Variants in NPAS2 observed in about 807,000 individuals in gnomAD.
NPAS2 encodes neuronal PAS domain-containing protein 2.
In NPAS2, 23 loss-of-function variants were observed where a neutral mutation model predicts 107.5. The observed-to-expected ratio is 0.21, with a 90% CI of 0.15 to 0.30. The LOEUF (loss-of-function observed/expected upper bound fraction) is 0.30. Ranked by LOEUF, NPAS2 falls within the 10% of genes least tolerant of loss-of-function variation. The probability of loss-of-function intolerance (pLI) is 1.00; values close to 1 mark genes in which losing one functional copy is unlikely to be tolerated. For missense variants in NPAS2, 756 were observed against 1,043.3 expected (o/e 0.72, Z 3.79); for synonymous variants, 403 against 417.5 (o/e 0.97, Z 0.42).
chr2:100,869,898 TTC>T (rs1491468189), intron 1 of NPAS2, among the ~76,000 whole-genome samples: 1 of 130,748 alleles, frequency 7.6e-6, no homozygotes, highest in Non-Finnish European at 1.6e-5. Context: ...GACTCCTGAC[TTC>T]TTTTTTTTTT....
chr2:100,878,528 T>G (rs1680128958), intron 1 of NPAS2: 3 of 985,422 alleles, frequency 3.0e-6, no homozygotes, highest in Non-Finnish European at 3.6e-6. Flanking sequence ...CTTTGTTTGT[T>G]CTTCTAAAGG....
intron 1 of NPAS2, among the ~76,000 whole-genome samples, chr2:100,900,506 G>A (rs1485665474): frequency 6.6e-6 from 1 of 152,070 alleles, no homozygotes; most frequent in African/African-American, 2.4e-5. Context: ...AAACAGCCTG[G>A]CAGTTTTTAA....
At chr2:100,892,295 C>T (rs1681120867) in intron 1 of NPAS2, among the ~76,000 whole-genome samples, 1 of 152,114 alleles carries the variant, frequency 6.6e-6, no homozygotes. Context: ...AATTTTTCAA[C>T]TTTCTTCATC....
At chr2:100,954,525 T>C (rs913736949) in intron 7 of NPAS2, among the ~76,000 whole-genome samples, 3 of 151,580 alleles carry the variant, frequency 2.0e-5, no homozygotes, top group Admixed American at 2.0e-4. Context: ...ATTAGCTGGG[T>C]GTGTTGGCAC....
At chr2:100,855,397 C>T (rs1335386323) in intron 1 of NPAS2, among the ~76,000 whole-genome samples, 4 of 152,112 alleles carry the variant, frequency 2.6e-5, no homozygotes, top group Non-Finnish European at 4.4e-5. Context: ...ACCTGAGATT[C>T]GAGGGGAAAA....
intron 19 of NPAS2, among the ~76,000 whole-genome samples, chr2:100,991,257 G>T (rs1678113196): frequency 6.6e-6 from 1 of 152,054 alleles, no homozygotes; most frequent in African/African-American, 2.4e-5. Flanking sequence ...CGTGCTTCTG[G>T]CACCGTGCTC....
intron 1 of NPAS2, among the ~76,000 whole-genome samples, chr2:100,844,205 G>A (rs929065605): frequency 6.6e-6 from 1 of 152,156 alleles, no homozygotes; most frequent in Non-Finnish European, 1.5e-5. Context: ...CAACCACCAT[G>A]CCCAGCTCTG....
At chr2:100,874,138 C>G (rs1679804974) in intron 1 of NPAS2, among the ~76,000 whole-genome samples, 1 of 151,968 alleles carries the variant, frequency 6.6e-6, no homozygotes, top group Non-Finnish European at 1.5e-5. Flanking sequence ...GTGCATGCCA[C>G]CACACCTGGC....
At chr2:100,954,393 G>A (rs1034716460) in intron 7 of NPAS2, among the ~76,000 whole-genome samples, 2 of 152,122 alleles carry the variant, frequency 1.3e-5, no homozygotes, top group African/African-American at 4.8e-5. Context: ...GGCCAGGCAC[G>A]GTGGCTCACA....
At chr2:100,924,283 CTTGTG>C (rs1683424164) in intron 2 of NPAS2, among the ~76,000 whole-genome samples, 2 of 152,222 alleles carry the variant, frequency 1.3e-5, no homozygotes, top group Non-Finnish European at 2.9e-5. Context: ...AAGGCACACT[CTTGTG>C]TTGTACATTC....
chr2:100,888,796 T>C (rs1680868125), intron 1 of NPAS2, among the ~76,000 whole-genome samples: 2 of 152,182 alleles, frequency 1.3e-5, no homozygotes, highest in Admixed American at 6.5e-5. Context: ...TCTGATGCCA[T>C]GACTTCTGAC....
intron 15 of NPAS2, among the ~76,000 whole-genome samples, chr2:100,980,613 G>A (rs992065108): frequency 2.0e-5 from 3 of 152,022 alleles, no homozygotes; most frequent in Non-Finnish European, 4.4e-5. Flanking sequence ...GAGATTACGG[G>A]TGCCCACCAC....
chr2:100,878,055 CCGTG>C, intron 1 of NPAS2: 2 of 985,362 alleles, frequency 2.0e-6, no homozygotes, highest in Non-Finnish European at 1.2e-6. Flanking sequence ...CGTGGACCTG[CCGTG>C]ATTGCAAAAA....
chr2:100,924,826 T>C (rs1402143499), intron 2 of NPAS2, among the ~76,000 whole-genome samples: 1 of 152,176 alleles, frequency 6.6e-6, no homozygotes, highest in Non-Finnish European at 1.5e-5. Context: ...CAGTCAGCAG[T>C]GTGTCCTTTG....
intron 5 of NPAS2, 23 bp from the exon 6 acceptor site, chr2:100,948,212 T>C: frequency 6.2e-7 from 1 of 1,611,038 alleles, no homozygotes; most frequent in Admixed American, 1.7e-5. Flanking sequence ...GGGTGTACCT[T>C]TGTCCTTTAT....
At chr2:100,951,141 G>A (rs886123735) in intron 7 of NPAS2, among the ~76,000 whole-genome samples, 3 of 152,156 alleles carry the variant, frequency 2.0e-5, no homozygotes, top group Non-Finnish European at 2.9e-5. Flanking sequence ...GGTTCCAGGG[G>A]CTGTGGACTT....
intron 2 of NPAS2, among the ~76,000 whole-genome samples, chr2:100,911,744 G>A (rs1160848785): frequency 6.6e-6 from 1 of 152,016 alleles, no homozygotes; most frequent in African/African-American, 2.4e-5. Flanking sequence ...CCATCCTCCT[G>A]TCTCAGCCTT....
At chr2:100,850,038 GCA>G (rs1047958998) in intron 1 of NPAS2, among the ~76,000 whole-genome samples, 2 of 34,710 alleles carry the variant, frequency 5.8e-5, no homozygotes, top group African/African-American at 1.4e-4. Context: ...AAAAAAAAAA[GCA>G]AGAGAAAATA....
At chr2:100,866,593 CA>C (rs2104553037) in intron 1 of NPAS2, among the ~76,000 whole-genome samples, 1 of 152,286 alleles carries the variant, frequency 6.6e-6, no homozygotes, top group African/African-American at 2.4e-5. Flanking sequence ...ATATACATCA[CA>C]AAATATTCAG....
Sources: gnomAD v4.1 joint callset for allele counts (sites outside exome capture counted in the v4.1 genomes callset) on GRCh38, gnomAD v4.1.1 for gene constraint, MANE v1.5 for transcripts, NCBI Gene and HGNC (gene_info 2026-07-23, HGNC 2026-07-21) for gene names.